The following RAPGEF5 variants were observed in gnomAD, a reference collection of about 807,000 sequenced individuals.
The protein encoded by RAPGEF5 is Rap guanine nucleotide exchange factor 5, also known as M-Ras-regulated GEF.
A neutral mutation model predicts 125.2 loss-of-function variants in RAPGEF5; 65 were observed. The observed-to-expected ratio is 0.52, with a 90% CI of 0.43 to 0.64. RAPGEF5 has a LOEUF of 0.64. Ranked by LOEUF, RAPGEF5 falls within the 30% of genes least tolerant of loss-of-function variation. The pLI is 0.00. For synonymous variants in RAPGEF5, 391 were observed against 385.9 expected (o/e 1.01, Z -0.16); for missense variants, 958 against 1,048.1 (o/e 0.91, Z 1.19).
At chr7:22,191,482 A>G (rs1784994837) in intron 11 of RAPGEF5, 1 of 448,736 alleles carries the variant, frequency 2.2e-6, no homozygotes, top group Non-Finnish European at 4.8e-6. Flanking sequence ...CCCTCCCCCA[A>G]ACTCTAAGGA....
rs149222292 is a variant in RAPGEF5 at position 22,129,248 on chromosome 7, G to A, written c.2481+1789C>T. On this transcript the variant is annotated intron_variant, in intron 24 of 25. Coordinates refer to ENST00000665637, the MANE Select transcript of RAPGEF5 (RefSeq NM_012294.5). ...AACAAATTCACTGGTTCACTTTAGG[G>A]AGGTCAACCTCACGTCTGCCCTCAA... Among the ~76,000 whole-genome samples, 397 of 152,216 alleles carry A rather than the reference G, an allele frequency of 2.6e-3. 2 individuals carry two copies. The highest frequency in any genetic ancestry group is 0.014 in the Middle Eastern group (4 of 294).
chr7:22,226,316 T>C (rs935848142), intron 8 of RAPGEF5, among the ~76,000 whole-genome samples: 1 of 152,176 alleles, frequency 6.6e-6, no homozygotes, highest in East Asian at 1.9e-4. Context: ...TCATATAATT[T>C]TTTTGCTATT....
At chr7:22,316,973 AT>A (rs1275339371) in intron 2 of RAPGEF5, among the ~76,000 whole-genome samples, 1 of 150,798 alleles carries the variant, frequency 6.6e-6, no homozygotes, top group African/African-American at 2.4e-5. Context: ...TGTTAAAACT[AT>A]TTAAAAAAAA....
At chr7:22,351,827 G>C (rs775167945) in intron 1 of RAPGEF5, among the ~76,000 whole-genome samples, 1 of 152,194 alleles carries the variant, frequency 6.6e-6, no homozygotes, top group African/African-American at 2.4e-5. Context: ...GTTTCTAGCA[G>C]AGGAGGGTAT....
At chr7:22,278,985 G>T (rs1464248896) in intron 6 of RAPGEF5, among the ~76,000 whole-genome samples, 1 of 152,064 alleles carries the variant, frequency 6.6e-6, no homozygotes, top group South Asian at 2.1e-4. Context: ...TATGCACACA[G>T]ATCTCTTATA....
chr7:22,277,326 G>T (rs998094762), intron 6 of RAPGEF5, among the ~76,000 whole-genome samples: 3 of 152,070 alleles, frequency 2.0e-5, no homozygotes, highest in Non-Finnish European at 4.4e-5. Flanking sequence ...GGAGATTATG[G>T]GTTCAAATTC....
chr7:22,194,021 C>T lies in RAPGEF5; in HGVS notation c.1009G>A (p.Val337Met). 1 of 1,613,352 alleles carries T rather than the reference C, an allele frequency of 6.2e-7. No individual in the cohort carries two copies. Among genetic ancestry groups the T allele is most frequent in the Non-Finnish European group, 8.5e-7 (1 of 1,179,630 alleles). Residue 337 changes from valine (V) to methionine (M), a missense_variant, in exon 10 of 26, where the codon GTG (valine) becomes ATG (methionine). Coordinates refer to ENST00000665637, the MANE Select transcript of RAPGEF5 (RefSeq NM_012294.5). ...TGCTCTTTAACCTGAACAGTCGTCA[C>T]TTCATCATCTTGCTTTAATTGTGGA... ...QEKSEHQDDE[V>M]TTVQVKEQDQ...
chr7:22,210,211 A>G (rs1005991665), intron 9 of RAPGEF5, among the ~76,000 whole-genome samples: 1 of 152,240 alleles, frequency 6.6e-6, no homozygotes, highest in East Asian at 1.9e-4. Context: ...ATTTGTAATA[A>G]CAATAAGTTG....
intron 9 of RAPGEF5, among the ~76,000 whole-genome samples, chr7:22,195,602 C>T (rs1785129823): frequency 6.6e-6 from 1 of 152,048 alleles, no homozygotes; most frequent in African/African-American, 2.4e-5. Context: ...AGTGGGACTC[C>T]CGTAACATGA....
Position 22,122,473 on chromosome 7 carries a change from T to G in RAPGEF5, c.2585A>C (p.His862Pro), listed in dbSNP as rs774621484. Residue 862 changes from histidine (H) to proline (P), a missense_variant, in exon 26 of 26, where the codon CAC becomes CCC. Transcript: ENST00000665637. ...CTGCTGGCTGTCAATGACATACAGG[T>G]GATTAACATAGGACTTTAACTCTTG... is the stretch of plus-strand genomic sequence containing the variant. The part of the protein sequence containing the change: ...EHQELKSYVN[H>P]LYVIDSQQAL... 6.2e-7 allele frequency: 1 copy of G among 1,613,862 alleles called. No individual in the cohort carries two copies. Among genetic ancestry groups the G allele is most frequent in the Non-Finnish European group, 8.5e-7 (1 of 1,179,848 alleles).
intron 5 of RAPGEF5, among the ~76,000 whole-genome samples, chr7:22,295,689 G>C (rs542090551): frequency 3.3e-5 from 5 of 152,120 alleles, no homozygotes; most frequent in Admixed American, 3.3e-4. Flanking sequence ...AAAGTAATAA[G>C]TGGAAATTTT....
chr7:22,312,689 G>A (rs2128153662), intron 3 of RAPGEF5, among the ~76,000 whole-genome samples: 1 of 152,318 alleles, frequency 6.6e-6, no homozygotes, highest in Non-Finnish European at 1.5e-5. Context: ...CCCGCTCTCA[G>A]AGCAAACTAC....
chr7:22,262,834 T>G (rs1782189295), intron 7 of RAPGEF5, among the ~76,000 whole-genome samples: 1 of 152,174 alleles, frequency 6.6e-6, no homozygotes, highest in Non-Finnish European at 1.5e-5. Context: ...TGTACTGGTG[T>G]GCATCTGTAG....
chr7:22,141,053 A>G (rs1243102630), intron 20 of RAPGEF5, among the ~76,000 whole-genome samples: 1 of 151,882 alleles, frequency 6.6e-6, no homozygotes, highest in Non-Finnish European at 1.5e-5. Context: ...CCTCTCCACC[A>G]ATGTCTCACA....
intron 1 of RAPGEF5, among the ~76,000 whole-genome samples, chr7:22,341,047 T>A (rs1784118421): frequency 6.6e-6 from 1 of 152,132 alleles, no homozygotes; most frequent in East Asian, 1.9e-4. Flanking sequence ...TTCTGACATA[T>A]AAATATAAGA....
intron 6 of RAPGEF5, among the ~76,000 whole-genome samples, chr7:22,284,953 T>C (rs1055817241): frequency 6.6e-6 from 1 of 152,242 alleles, no homozygotes; most frequent in African/African-American, 2.4e-5. Context: ...AAACCCATCA[T>C]AAATTAAAAT....
At position 22,212,645 on chromosome 7, in the gene RAPGEF5, C is replaced by A. The variant is rs574722663; in HGVS notation, c.996+7221G>T. The stretch of plus-strand genomic sequence containing the variant: ...AACAACTCTCCATCTGTCTGTGCAT[C>A]CTTTCCCTAAACTTTTTGTCTTAAA... On this transcript the variant is annotated intron_variant, in intron 9 of 25. Transcript: ENST00000665637. Among the ~76,000 whole-genome samples the A allele has an allele frequency of 4.7e-4, 71 of 152,318 alleles. 1 individual carries two copies. Among genetic ancestry groups the A allele is most frequent in the African/African-American group, 1.6e-3 (66 of 41,578 alleles).
intron 7 of RAPGEF5, among the ~76,000 whole-genome samples, chr7:22,247,512 C>T (rs1390434848): frequency 6.6e-6 from 1 of 152,178 alleles, no homozygotes; most frequent in African/African-American, 2.4e-5. Flanking sequence ...CCCACACACA[C>T]TCTCTTGCCT....
At chr7:22,239,973 C>A (rs1402587294) in intron 7 of RAPGEF5, among the ~76,000 whole-genome samples, 1 of 151,856 alleles carries the variant, frequency 6.6e-6, no homozygotes, top group Non-Finnish European at 1.5e-5. Context: ...CTTTGGGAGG[C>A]CGAGGCGGGC....
Sources: allele counts gnomAD v4.1 joint callset (sites outside exome capture counted in the v4.1 genomes callset), GRCh38; gene constraint gnomAD v4.1.1; transcripts MANE v1.5; gene names NCBI Gene and HGNC (gene_info 2026-07-23, HGNC 2026-07-21).